Variants in CCDC141 observed in about 807,000 individuals in gnomAD.
CCDC141 encodes coiled-coil domain-containing protein 141.
CCDC141 carries 168 observed loss-of-function variants against 181.0 expected under a neutral mutation model. That is an observed-to-expected ratio of 0.93 (90% CI 0.82 to 1.05). CCDC141 has a LOEUF of 1.05. Ranked by LOEUF, CCDC141 falls within the 50% of genes least tolerant of loss-of-function variation. CCDC141 has a pLI of 0.00. For synonymous variants in CCDC141, 666 were observed against 642.3 expected (o/e 1.04, Z -0.56); for missense variants, 1,902 against 1,788.5 (o/e 1.06, Z -1.14).
intron 2 of CCDC141, among the ~76,000 whole-genome samples, chr2:179,025,621 G>A (rs1288583806): frequency 6.6e-6 from 1 of 152,138 alleles, no homozygotes; most frequent in Non-Finnish European, 1.5e-5. Context: ...GTGTGAAAAT[G>A]GACTAATACA....
In CCDC141 at chr2:178,855,448, T is replaced by A. The variant is rs745584384; in HGVS notation, c.2959A>T (p.Met987Leu). Residue 987 changes from methionine (M) to leucine (L), a missense_variant, in exon 19 of 24, where the codon ATG becomes TTG. Coordinates refer to ENST00000443758, the MANE Select transcript of CCDC141 (RefSeq NM_173648.4). ...SDKVNVLLEVMKDLQKHVDDF... is the reference protein window; with the variant it reads ...SDKVNVLLEVLKDLQKHVDDF... ...TCCACATGTTTTTGCAAATCCTTCA[T>A]GACTTCCAAAAGGACATTAACTTTA... 312 of 1,611,936 alleles carry A rather than the reference T, an allele frequency of 1.9e-4. 2 individuals carry two copies. The South Asian group carries it at 3.1e-3, about 16-fold the overall frequency.
At chr2:179,004,156 A>C (rs16866594) in intron 2 of CCDC141, among the ~76,000 whole-genome samples, 1,619 of 152,298 alleles carry the variant, frequency 0.011, 37 homozygotes, top group African/African-American at 0.037. Context: ...TGTTAAAATA[A>C]GAATGAAATG....
At chr2:178,873,381 A>T (rs1303151111) in intron 12 of CCDC141, 2 of 152,094 alleles carry the variant, frequency 1.3e-5, no homozygotes, top group Non-Finnish European at 1.5e-5. Flanking sequence ...TTCCCTCATT[A>T]TTAATAATGA....
chr2:178,921,562 G>T (rs28393470), intron 6 of CCDC141, among the ~76,000 whole-genome samples: 1 of 149,966 alleles, frequency 6.7e-6, no homozygotes, highest in South Asian at 2.1e-4. Context: ...GTTTGTTTTT[G>T]TTTTTTTTTA....
chr2:178,850,242 T>C, intron 20 of CCDC141, 81 bp from the exon 21 acceptor site: 1 of 725,698 alleles, frequency 1.4e-6, no homozygotes, highest in Admixed American at 2.4e-5. Context: ...TTCATCTCCC[T>C]GTCCAGTGTA....
At chr2:178,980,387 T>G (rs990135868) in intron 2 of CCDC141, among the ~76,000 whole-genome samples, 1 of 152,014 alleles carries the variant, frequency 6.6e-6, no homozygotes, top group Non-Finnish European at 1.5e-5. Flanking sequence ...GAGGTGGAGC[T>G]TGCAGTGAGC....
intron 2 of CCDC141, among the ~76,000 whole-genome samples, chr2:179,029,627 T>C (rs978983341): frequency 1.3e-5 from 2 of 152,196 alleles, no homozygotes; most frequent in Admixed American, 1.3e-4. Context: ...ATTGGATCCA[T>C]AAGTTAATCA....
intron 6 of CCDC141, among the ~76,000 whole-genome samples, chr2:178,939,990 T>C (rs187204638): frequency 4.6e-5 from 7 of 152,280 alleles, no homozygotes; most frequent in Admixed American, 2.0e-4. Flanking sequence ...GAAGCAGAAT[T>C]AATGCACTGG....
intron 7 of CCDC141, among the ~76,000 whole-genome samples, chr2:178,916,380 G>T (rs1688447823): frequency 6.6e-6 from 1 of 151,550 alleles, no homozygotes; most frequent in Non-Finnish European, 1.5e-5. Context: ...TGGGTAAAGT[G>T]GTCAAATTTT....
At chr2:178,892,632 C>T (rs1368144342) in intron 8 of CCDC141, among the ~76,000 whole-genome samples, 1 of 152,098 alleles carries the variant, frequency 6.6e-6, no homozygotes, top group African/African-American at 2.4e-5. Flanking sequence ...ATTTTAAAAC[C>T]TGCATAGCAT....
intron 2 of CCDC141, among the ~76,000 whole-genome samples, chr2:179,009,195 C>T (rs1042864642): frequency 1.3e-5 from 2 of 152,138 alleles, no homozygotes; most frequent in African/African-American, 4.8e-5. Flanking sequence ...CCCCCTATAC[C>T]CTCCTTTTCC....
chr2:178,877,864 G>T, intron 12 of CCDC141, 100 bp downstream of exon 12: 1 of 1,140,832 alleles, frequency 8.8e-7, no homozygotes, highest in Non-Finnish European at 1.3e-6. Context: ...CTCCCTAGGA[G>T]AGAACTGCTG....
intron 21 of CCDC141, 92 bp downstream of exon 21, chr2:178,849,957 T>C: frequency 1.4e-6 from 1 of 695,838 alleles, no homozygotes; most frequent in East Asian, 2.6e-5. Context: ...CCTGAGAAAT[T>C]CTGTTAAAAT....
At chr2:179,003,262 G>A (rs1344346500) in intron 2 of CCDC141, among the ~76,000 whole-genome samples, 2 of 152,168 alleles carry the variant, frequency 1.3e-5, no homozygotes, top group Admixed American at 1.3e-4. Context: ...CTCCAGTGGT[G>A]GAGATGAATT....
intron 5 of CCDC141, among the ~76,000 whole-genome samples, chr2:178,946,048 T>C (rs899475094): frequency 6.6e-6 from 1 of 152,212 alleles, no homozygotes; most frequent in African/African-American, 2.4e-5. Flanking sequence ...ATTGGAAATG[T>C]CTTTGTTAAC....
intron 4 of CCDC141, among the ~76,000 whole-genome samples, chr2:178,963,131 T>C (rs1275440976): frequency 6.6e-6 from 1 of 152,046 alleles, no homozygotes; most frequent in Non-Finnish European, 1.5e-5. Context: ...TGAGAAGAAA[T>C]GTTTTGAAAG....
chr2:178,965,638 C>A (rs1442218897), intron 4 of CCDC141, among the ~76,000 whole-genome samples: 1 of 152,228 alleles, frequency 6.6e-6, no homozygotes, highest in African/African-American at 2.4e-5. Context: ...GAGATTCCCT[C>A]CAGTGCCCAC....
rs550961437 is a variant in CCDC141, at chr2:178,918,741, G to T, written c.1064C>A (p.Ala355Glu). 6.5e-7 allele frequency: 1 copy of T among 1,550,330 alleles called. No homozygotes were observed. The highest frequency in any genetic ancestry group is 1.4e-5 in the African/African-American group (1 of 73,094). ...GTTAGCACTGTTAAAAAATTCATTC[G>T]CCTTCTTTAACCAGGTATTCCTTTC... ...MVERNTWLKK[A>E]NEFFNSANKA... The change falls in exon 7 of 24, where the codon GCG becomes GAG. Residue 355 changes from alanine to glutamate, a missense_variant. By Grantham distance (107) the Ala-to-Glu change is moderately radical. Transcript: ENST00000443758.
intron 2 of CCDC141, among the ~76,000 whole-genome samples, chr2:179,004,777 C>T (rs182817192): frequency 6.6e-6 from 1 of 152,254 alleles, no homozygotes; most frequent in East Asian, 1.9e-4. Context: ...GTTGCCCAGG[C>T]TGGAGTGCAG....
Sources: gnomAD v4.1 joint callset for allele counts (sites outside exome capture counted in the v4.1 genomes callset) on GRCh38, gnomAD v4.1.1 for gene constraint, MANE v1.5 for transcripts, NCBI Gene and HGNC (gene_info 2026-07-23, HGNC 2026-07-21) for gene names.